The following ZFAND6 variants were observed in gnomAD, a reference collection of about 807,000 sequenced individuals.
The protein encoded by ZFAND6 is AN1-type zinc finger protein 6.
In ZFAND6, 12 loss-of-function variants were observed where a neutral mutation model predicts 24.5. That is an observed-to-expected ratio of 0.49 (90% CI 0.31 to 0.79). ZFAND6 has a LOEUF of 0.79. Ranked by LOEUF, ZFAND6 falls within the 30% of genes least tolerant of loss-of-function variation. ZFAND6 has a pLI of 0.04. For missense variants in ZFAND6, 207 were observed against 245.9 expected (o/e 0.84, Z 1.06); for synonymous variants, 92 against 81.5 (o/e 1.13, Z -0.69).
At chr15:80,072,512 G>A (rs2037037319) in intron 1 of ZFAND6, 1 of 152,086 alleles carries the variant, frequency 6.6e-6, no homozygotes, top group Non-Finnish European at 1.5e-5. Context: ...TTCACTAACA[G>A]GGAGGAGATT....
intron 1 of ZFAND6, among the ~76,000 whole-genome samples, chr15:80,083,430 G>A (rs1187598976): frequency 1.3e-5 from 2 of 152,176 alleles, no homozygotes; most frequent in East Asian, 3.8e-4. Flanking sequence ...AACATGCAGA[G>A]AATTTATATT....
chr15:80,063,518 A>G (rs527592316), intron 1 of ZFAND6, among the ~76,000 whole-genome samples: 41 of 150,514 alleles, frequency 2.7e-4, no homozygotes, highest in African/African-American at 1.0e-3. Context: ...CAGCCTCCCG[A>G]GTAGCTGAGA....
At chr15:80,133,380 AGATGGGGTTTCACCAC>A (rs1470256727) in intron 6 of ZFAND6, among the ~76,000 whole-genome samples, 1 of 151,954 alleles carries the variant, frequency 6.6e-6, no homozygotes, top group Non-Finnish European at 1.5e-5. Flanking sequence ...TCTTTAGTAG[AGATGGGGTTTCACCAC>A]GTTGGCCAGG....
At chr15:80,132,715 G>C (rs2040663613) in intron 6 of ZFAND6, among the ~76,000 whole-genome samples, 1 of 152,106 alleles carries the variant, frequency 6.6e-6, no homozygotes, top group Non-Finnish European at 1.5e-5. Flanking sequence ...ATGCAATACT[G>C]TAAACTTTGA....
At chr15:80,080,801 C>G (rs2037619760) in intron 1 of ZFAND6, among the ~76,000 whole-genome samples, 1 of 152,208 alleles carries the variant, frequency 6.6e-6, no homozygotes, top group Non-Finnish European at 1.5e-5. Flanking sequence ...GCTGGTGCAT[C>G]ACATGACAAA....
At chr15:80,090,688 G>T (rs2141896179) in intron 1 of ZFAND6, among the ~76,000 whole-genome samples, 1 of 152,254 alleles carries the variant, frequency 6.6e-6, no homozygotes, top group Non-Finnish European at 1.5e-5. Flanking sequence ...CTGGAGAATG[G>T]TCTGAGAAAG....
At chr15:80,134,360 G>A (rs1022985529) in intron 6 of ZFAND6, among the ~76,000 whole-genome samples, 5 of 152,146 alleles carry the variant, frequency 3.3e-5, no homozygotes, top group African/African-American at 7.2e-5. Context: ...TGAAGGCGTC[G>A]AAGTGATAAA....
chr15:80,064,591 T>TATAC (rs1383967050), intron 1 of ZFAND6, among the ~76,000 whole-genome samples: 1 of 117,006 alleles, frequency 8.5e-6, no homozygotes, highest in Non-Finnish European at 1.8e-5. Context: ...CACAAATATA[T>TATAC]ATACACATGT....
chr15:80,067,452 T>G (rs183123660), intron 1 of ZFAND6, among the ~76,000 whole-genome samples: 8 of 152,302 alleles, frequency 5.3e-5, no homozygotes, highest in African/African-American at 1.9e-4. Context: ...ATGGGCTCAT[T>G]TTATATTGGG....
chr15:80,129,180 C>G (rs929244931), intron 5 of ZFAND6, among the ~76,000 whole-genome samples: 12 of 152,148 alleles, frequency 7.9e-5, no homozygotes, highest in African/African-American at 2.9e-4. Context: ...AGCCCCTGCC[C>G]TCTTGGAGCT....
chr15:80,120,679 C>T, intron 3 of ZFAND6, 181 bp downstream of exon 3: 1 of 406,828 alleles, frequency 2.5e-6, no homozygotes. Flanking sequence ...TGAGTATCAT[C>T]ACTCATTGAA....
At chr15:80,078,426 T>C (rs1480914695) in intron 1 of ZFAND6, among the ~76,000 whole-genome samples, 1 of 152,246 alleles carries the variant, frequency 6.6e-6, no homozygotes, top group African/African-American at 2.4e-5. Context: ...CCATAATGTA[T>C]ATGTACCACA....
intron 1 of ZFAND6, among the ~76,000 whole-genome samples, chr15:80,078,326 G>T (rs991941111): frequency 2.6e-5 from 4 of 152,192 alleles, no homozygotes. Flanking sequence ...TTTCTGTCCT[G>T]CATTAATTCA....
chr15:80,085,362 A>ATTTT (rs2037928769), intron 1 of ZFAND6, among the ~76,000 whole-genome samples: 1 of 152,258 alleles, frequency 6.6e-6, no homozygotes, highest in South Asian at 2.1e-4. Context: ...TAGCTGGCAC[A>ATTTT]TAGGAAATGC....
chr15:80,101,946 C>T (rs1567075570), intron 2 of ZFAND6, among the ~76,000 whole-genome samples: 1 of 151,760 alleles, frequency 6.6e-6, no homozygotes, highest in East Asian at 1.9e-4. Context: ...GCTCCTGCCA[C>T]CACGCCTGGC....
Position 80,137,699 on chromosome 15 carries a change from G to A in ZFAND6, c.*71G>A. 6.9e-7 allele frequency: 1 copy of A among 1,458,966 alleles called. No homozygotes were observed. The highest frequency in any genetic ancestry group is 9.1e-7 in the Non-Finnish European group (1 of 1,102,038). 90.4% of individuals were successfully genotyped at this position (1,458,966 alleles called of 1,614,324 possible). A position where few individuals can be genotyped will look rare whatever the true frequency, so the allele number is the denominator to read the frequency against. On this transcript the variant is annotated 3_prime_UTR_variant, in exon 7 of 7. Transcript: ENST00000261749. ...TTGACTTGAGGTTTTTTTTTTCCTA[G>A]TCATTGGGAATGTAGAGCAGTGTAT...
chr15:80,134,974 A>G (rs1376667719), intron 6 of ZFAND6, among the ~76,000 whole-genome samples: 1 of 152,212 alleles, frequency 6.6e-6, no homozygotes, highest in Non-Finnish European at 1.5e-5. Flanking sequence ...AATTTAGAGA[A>G]CAAAAAAGCA....
intron 2 of ZFAND6, among the ~76,000 whole-genome samples, chr15:80,105,259 A>T (rs759718358): frequency 1.3e-5 from 2 of 152,204 alleles, no homozygotes; most frequent in Non-Finnish European, 2.9e-5. Flanking sequence ...TGAGAGGAGG[A>T]TGTTAGAAAC....
intron 2 of ZFAND6, among the ~76,000 whole-genome samples, chr15:80,100,709 T>G (rs544347079): frequency 1.3e-5 from 2 of 152,356 alleles, no homozygotes; most frequent in Admixed American, 6.5e-5. Context: ...TTGGTTTTGC[T>G]TAGATTTTTA....
Sources: allele counts gnomAD v4.1 joint callset (sites outside exome capture counted in the v4.1 genomes callset), GRCh38; gene constraint gnomAD v4.1.1; transcripts MANE v1.5; gene names NCBI Gene and HGNC (gene_info 2026-07-23, HGNC 2026-07-21).